The following AKR1C3 variants were observed in gnomAD, a reference collection of about 807,000 sequenced individuals.
AKR1C3 encodes the protein aldo-keto reductase family 1 member C3.
In AKR1C3, 48 loss-of-function variants were observed where a neutral mutation model predicts 43.6. That is an observed-to-expected ratio of 1.10 (90% CI 0.87 to 1.40). The LOEUF (loss-of-function observed/expected upper bound fraction) is 1.40. AKR1C3 is among the 40% of genes most tolerant of loss of function. The pLI is 0.00. For missense variants in AKR1C3, 482 were observed against 391.2 expected (o/e 1.23, Z -1.96); for synonymous variants, 162 against 139.6 (o/e 1.16, Z -1.13).
intron 7 of AKR1C3, among the ~76,000 whole-genome samples, chr10:5,104,133 A>G (rs1173532947): frequency 5.9e-5 from 9 of 152,156 alleles, no homozygotes; most frequent in Middle Eastern, 3.2e-3. Flanking sequence ...TAGTTAAATT[A>G]TTCATGCCTC....
At chr10:5,101,737 A>G (rs1238158075) in intron 5 of AKR1C3, among the ~76,000 whole-genome samples, 3 of 152,122 alleles carry the variant, frequency 2.0e-5, no homozygotes, top group African/African-American at 7.2e-5. Context: ...TGTCTTTCAG[A>G]CTTGCACTCA....
At chr10:5,066,122 G>A (rs537405813) in intron 1 of AKR1C3, among the ~76,000 whole-genome samples, 5 of 152,322 alleles carry the variant, frequency 3.3e-5, no homozygotes, top group South Asian at 2.1e-4. Context: ...AACTTCAGGG[G>A]TGGATACCTA....
At chr10:5,103,713 T>C (rs1028739713) in intron 7 of AKR1C3, among the ~76,000 whole-genome samples, 1 of 152,212 alleles carries the variant, frequency 6.6e-6, no homozygotes, top group African/African-American at 2.4e-5. Context: ...AGCCTTTTCA[T>C]GTCTAGGCTC....
At chr10:5,081,046 C>A (rs1392075698) in intron 1 of AKR1C3, 2 of 152,044 alleles carry the variant, frequency 1.3e-5, no homozygotes, top group Admixed American at 6.6e-5. Context: ...ATAGTAAGTG[C>A]ATTCTAGGAT....
chr10:5,103,416 A>G (rs587766333), intron 7 of AKR1C3, among the ~76,000 whole-genome samples: 213 of 152,006 alleles, frequency 1.4e-3, no homozygotes, highest in African/African-American at 4.4e-3. Flanking sequence ...TAGAGCTGTT[A>G]AACAAATCAC....
intron 1 of AKR1C3, among the ~76,000 whole-genome samples, chr10:5,085,578 C>T (rs7914015): frequency 0.85 from 129,160 of 151,768 alleles, 55,133 homozygotes; most frequent in Middle Eastern, 0.91. Flanking sequence ...ATCAGGATGA[C>T]GCTGGCCTCA....
intron 1 of AKR1C3, among the ~76,000 whole-genome samples, chr10:5,050,049 C>T (rs993793578): frequency 1.3e-5 from 2 of 151,100 alleles, no homozygotes; most frequent in Admixed American, 6.6e-5. Flanking sequence ...AAAATTTGTG[C>T]TTATATCATG....
chr10:5,104,103 A>G (rs1332545169), intron 7 of AKR1C3, among the ~76,000 whole-genome samples: 1 of 152,010 alleles, frequency 6.6e-6, no homozygotes, highest in African/African-American at 2.4e-5. Context: ...ATTCATGAAC[A>G]AAAGTTGCTA....
chr10:5,057,825 G>A (rs114189115), intron 1 of AKR1C3, among the ~76,000 whole-genome samples: 5,463 of 152,100 alleles, frequency 0.036, 124 homozygotes, highest in Middle Eastern at 0.061. Flanking sequence ...CCAAACTCTC[G>A]GGCTGTAGCT....
chr10:5,069,053 A>G (rs1838565779), intron 1 of AKR1C3, among the ~76,000 whole-genome samples: 1 of 152,176 alleles, frequency 6.6e-6, no homozygotes, highest in Admixed American at 6.5e-5. Flanking sequence ...AAAGCATTAC[A>G]TTTTTCACTT....
In AKR1C3 at chr10:5,096,339, G is replaced by T; in HGVS notation, c.85-71G>T. ...AGGAAAAGCTGATTCTTGTATAAAA[G>T]TCAATGCTTGTGCCTGAACTACCTC... On this transcript the variant is annotated intron_variant, in intron 1 of 8. Coordinates refer to ENST00000380554, the MANE Select transcript of AKR1C3 (RefSeq NM_003739.6). 2.6e-6 allele frequency: 4 copies of T among 1,538,446 alleles called. No homozygotes were observed. In the South Asian group the frequency reaches 5.1e-5, roughly 20 times the overall value.
chr10:5,060,102 G>A (rs575486470), intron 1 of AKR1C3, among the ~76,000 whole-genome samples: 12 of 152,304 alleles, frequency 7.9e-5, no homozygotes, highest in Non-Finnish European at 1.3e-4. Context: ...TGGGTTCGTG[G>A]TCTTGCTGGC....
chr10:5,056,238 G>T (rs1838259296), intron 1 of AKR1C3, among the ~76,000 whole-genome samples: 1 of 152,268 alleles, frequency 6.6e-6, no homozygotes, highest in East Asian at 1.9e-4. Context: ...CATGTAAGTT[G>T]GGATGTGTGG....
In AKR1C3 at chr10:5,107,518, C is replaced by G; in HGVS notation, c.*15C>G. The G allele has an allele frequency of 6.3e-7, 1 of 1,578,586 alleles. No individual in the cohort carries two copies. Among genetic ancestry groups the G allele is most frequent in the Non-Finnish European group, 8.7e-7 (1 of 1,149,046 alleles). On this transcript the variant is annotated 3_prime_UTR_variant, in exon 9 of 9. Coordinates refer to ENST00000380554, the MANE Select transcript of AKR1C3 (RefSeq NM_003739.6). ...ATGAATATTAACATGGAGGGCTTTGCCTGATGTCTACCAGAAGCCCTGTGT... is the reference window on the plus strand; with the variant it reads ...ATGAATATTAACATGGAGGGCTTTGGCTGATGTCTACCAGAAGCCCTGTGT...
chr10:5,098,577 A>G (rs1391996285), intron 3 of AKR1C3, among the ~76,000 whole-genome samples: 3 of 152,244 alleles, frequency 2.0e-5, no homozygotes, highest in Admixed American at 6.5e-5. Context: ...GACCTAGAAA[A>G]TGGTCCTTTT....
upstream of AKR1C3, chr10:5,093,457 T>C (rs1839139395): frequency 6.6e-6 from 1 of 152,146 alleles, no homozygotes; most frequent in Non-Finnish European, 1.5e-5. Flanking sequence ...CTCCAAGATG[T>C]TGATAATGTA....
chr10:5,104,896 T>C (rs951495013), intron 7 of AKR1C3, among the ~76,000 whole-genome samples: 1 of 152,182 alleles, frequency 6.6e-6, no homozygotes, highest in Non-Finnish European at 1.5e-5. Flanking sequence ...AAAAATGTAA[T>C]GAACACCTTT....
chr10:5,069,123 C>T lies in AKR1C3; in HGVS notation c.84+20228C>T, dbSNP rs137948202. Among the ~76,000 whole-genome samples the T allele has an allele frequency of 4.1e-4, 63 of 152,192 alleles. 2 individuals carry two copies. The East Asian group carries it at 7.3e-3, about 18-fold the overall frequency. On this transcript the variant is annotated intron_variant, in intron 1 of 8. Transcript: ENST00000439082. ...ATTATTAAACCAATTTAAAACTTTA[C>T]AGAAGGGACAAATGGTGACTTTTAC... is the stretch of plus-strand genomic sequence containing the variant.
intron 1 of AKR1C3, among the ~76,000 whole-genome samples, chr10:5,052,121 T>C (rs537235149): frequency 6.6e-5 from 10 of 152,286 alleles, no homozygotes; most frequent in Non-Finnish European, 1.2e-4. Flanking sequence ...TTATTCCTTC[T>C]GGTGGGTGCA....
Sources: allele counts gnomAD v4.1 joint callset (sites outside exome capture counted in the v4.1 genomes callset), GRCh38; gene constraint gnomAD v4.1.1; transcripts MANE v1.5; gene names NCBI Gene and HGNC (gene_info 2026-07-23, HGNC 2026-07-21).